The following THOP1 variants were observed in gnomAD, a reference collection of about 807,000 sequenced individuals.
THOP1 encodes thimet oligopeptidase.
In THOP1, 49 loss-of-function variants were observed where a neutral mutation model predicts 71.8. The observed-to-expected ratio is 0.68, with a 90% CI of 0.54 to 0.87. THOP1 has a LOEUF of 0.87. THOP1 is among the 40% of genes least tolerant of loss of function. The probability of loss-of-function intolerance (pLI) is 0.00; values close to 1 mark genes in which losing one functional copy is unlikely to be tolerated. For synonymous variants in THOP1, 426 were observed against 421.5 expected (o/e 1.01, Z -0.13); for missense variants, 843 against 975.6 (o/e 0.86, Z 1.81).
At position 2,810,429 on chromosome 19, in the gene THOP1, A is replaced by C; in HGVS notation, c.1581A>C (p.Thr527=). ...PLLRMSRHYR[T]GSAVPRELLE... Reference sequence around the variant, plus strand: ...TGCGGATGTCGCGGCACTACCGCACAGGCAGCGCCGTGCCCCGGGAGCTCC... The same window carrying C: ...TGCGGATGTCGCGGCACTACCGCACCGGCAGCGCCGTGCCCCGGGAGCTCC... Residue 527 remains threonine (T), a synonymous_variant, in exon 10 of 13, where the codon ACA becomes ACC. Transcript: ENST00000307741. 1 of 1,601,922 alleles carries C rather than the reference A, an allele frequency of 6.2e-7. No individual in the cohort carries two copies. Among genetic ancestry groups the C allele is most frequent in the Non-Finnish European group, 8.5e-7 (1 of 1,176,520 alleles).
chr19:2,810,675 G>C lies in THOP1; in HGVS notation c.1678G>C (p.Val560Leu), dbSNP rs1346273333. 1.3e-6 allele frequency: 2 copies of C among 1,565,000 alleles called. No individual in the cohort carries two copies. The highest frequency in any genetic ancestry group is 1.7e-6 in the Non-Finnish European group (2 of 1,154,496). ...CCTGCGCCAGATCGTCCTCGCCAAGGTGGACCAGGCCCTGCACACGCAGAC... is the reference window on the plus strand; with the variant it reads ...CCTGCGCCAGATCGTCCTCGCCAAGCTGGACCAGGCCCTGCACACGCAGAC... ...FNLRQIVLAK[V>L]DQALHTQTDA... Residue 560 changes from valine to leucine, a missense_variant, in exon 11 of 13, where the codon GTG (valine) becomes CTG (leucine). By Grantham distance (32) the Val-to-Leu change is conservative. Transcript: ENST00000307741.
In THOP1 at chr19:2,814,469, C is replaced by T. The variant is rs757658891; in HGVS notation, c.*1193C>T. On this transcript the variant is annotated 3_prime_UTR_variant, in exon 13 of 13. Transcript: ENST00000307741. ...GGCCTATGGGTGGCCAGACATCCGC[C>T]TCGTCCTCACCTCCATTTGGACAGG... is the stretch of plus-strand genomic sequence containing the variant. The T allele has an allele frequency of 2.0e-5, 3 of 152,418 alleles. No individual in the cohort carries two copies. Among genetic ancestry groups the T allele is most frequent in the Non-Finnish European group, 4.4e-5 (3 of 68,168 alleles). 9.4% of individuals were successfully genotyped at this position (152,418 alleles called of 1,614,324 possible).
chr19:2,794,748 G>T lies in THOP1; in HGVS notation c.230-16G>T, dbSNP rs371591526. On this transcript the variant is annotated splice_polypyrimidine_tract_variant and intron_variant, in intron 2 of 12. Transcript: ENST00000307741. ...GCCTGTTCTCACACCTGTCTCCCTGGTCTCCCCTGTTTTAGTTCAGAGGAA... is the reference window on the plus strand; with the variant it reads ...GCCTGTTCTCACACCTGTCTCCCTGTTCTCCCCTGTTTTAGTTCAGAGGAA... The T allele has an allele frequency of 1.2e-6, 2 of 1,602,144 alleles. No homozygotes were observed. The highest frequency in any genetic ancestry group is 2.7e-5 in the African/African-American group (2 of 74,664).
chr19:2,806,736 G>GA lies in THOP1; in HGVS notation c.751-181_751-180insA, dbSNP rs1916300884. 3 of 1,065,434 alleles carry GA rather than the reference G, an allele frequency of 2.8e-6. No homozygotes were observed. In the African/African-American group the frequency reaches 4.8e-5, roughly 17 times the overall value. The allele number at this position is 1,065,434 out of a possible 1,614,324, so 66.0% of individuals were successfully genotyped here. ...CCCTTCTGGTTCCAAAAAGGCCTTGGGATTATGATAACGCTGGTGGCATGA... is the reference window on the plus strand; with the variant it reads ...CCCTTCTGGTTCCAAAAAGGCCTTGGAGATTATGATAACGCTGGTGGCATGA... On this transcript the variant is annotated intron_variant, in intron 6 of 12. Coordinates refer to ENST00000307741, the MANE Select transcript of THOP1 (RefSeq NM_003249.5).
At position 2,796,292 on chromosome 19, in the gene THOP1, C is replaced by T. The variant is rs1004756760; in HGVS notation, c.486+104C>T. On this transcript the variant is annotated intron_variant, in intron 4 of 12. Transcript: ENST00000307741. ...CCCAGGGAGTGGTGGGAGCAAGAAG[C>T]GCAGGGCAGGGGGAGTGCTGGGCTC... The T allele has an allele frequency of 2.3e-5, 21 of 901,870 alleles. 1 individual carries two copies. The highest frequency in any genetic ancestry group is 1.7e-4 in the South Asian group (11 of 64,216). The allele number at this position is 901,870 out of a possible 1,614,324, so 55.9% of individuals were successfully genotyped here.
In THOP1 at chr19:2,805,829, GCGGGTGCC is replaced by G; in HGVS notation, c.750+655_750+662del. On this transcript the variant is annotated intron_variant, in intron 6 of 12. Coordinates refer to ENST00000307741, the MANE Select transcript of THOP1 (RefSeq NM_003249.5). The surrounding 1 kb of genome is among the most constrained non-coding windows in gnomAD (Gnocchi z 6.6). ...GGCACTGATCACTGCAAGGGGACGG[GCGGGTGCC>G]CATCACTGCGGGGGGACGGGCGGGT... Among the ~76,000 whole-genome samples the G allele has an allele frequency of 6.6e-6, 1 of 150,824 alleles. No homozygotes were observed.
chr19:2,793,824 C>A (rs1915944043), intron 2 of THOP1, among the ~76,000 whole-genome samples: 1 of 152,158 alleles, frequency 6.6e-6, no homozygotes, highest in South Asian at 2.1e-4. Flanking sequence ...GAGTCGTGTT[C>A]CACTGGGCAG....
At chr19:2,793,417 T>A (rs1599520734) in intron 2 of THOP1, among the ~76,000 whole-genome samples, 1 of 151,732 alleles carries the variant, frequency 6.6e-6, no homozygotes, top group South Asian at 2.1e-4. Flanking sequence ...CATGGCCGGG[T>A]GCAGTGGCTC....
chr19:2,813,019 C>T, intron 12 of THOP1, 96 bp from the exon 13 acceptor site: 1 of 1,435,352 alleles, frequency 7.0e-7, no homozygotes, highest in Non-Finnish European at 9.3e-7. Flanking sequence ...AGGGGTTGCT[C>T]CGAGGCCCCC....
intron 3 of THOP1, among the ~76,000 whole-genome samples, chr19:2,795,526 C>T (rs749793035): frequency 6.6e-6 from 1 of 152,220 alleles, no homozygotes; most frequent in Non-Finnish European, 1.5e-5. Flanking sequence ...GATCATGCAG[C>T]CCTAGTGCTT....
intron 9 of THOP1, among the ~76,000 whole-genome samples, chr19:2,809,319 C>G (rs1161305648): frequency 6.6e-6 from 1 of 152,194 alleles, no homozygotes; most frequent in Non-Finnish European, 1.5e-5. Flanking sequence ...TCATGGCCTC[C>G]TGGTGCTGAA....
At position 2,807,771 on chromosome 19, in the gene THOP1, G is replaced by A. The variant is rs780308178; in HGVS notation, c.1216G>A (p.Glu406Lys). Residue 406 changes from glutamate to lysine, a missense_variant, in exon 8 of 13, where the codon GAG (glutamate) becomes AAG (lysine). Glu to Lys is a moderately conservative substitution (Grantham distance 56). Transcript: ENST00000307741. ...CACCGCGAGGGACGCGGCCTCGGGG[G>A]AGGTGGTCGGCAAGTTCTACCTGGA... ...LYTARDAASG[E>K]VVGKFYLDLY... 6 of 1,535,984 alleles carry A rather than the reference G, an allele frequency of 3.9e-6. No individual in the cohort carries two copies. Among genetic ancestry groups the A allele is most frequent in the Non-Finnish European group, 5.3e-6 (6 of 1,138,490 alleles).
At chr19:2,807,126 G>A in intron 7 of THOP1, 74 bp downstream of exon 7, 2 of 1,490,400 alleles carry the variant, frequency 1.3e-6, no homozygotes, top group Non-Finnish European at 1.8e-6. Flanking sequence ...GACAGTCGGT[G>A]CTACCCCTAG....
Position 2,813,343 on chromosome 19 carries a change from C to T in THOP1, c.*67C>T. 6.8e-7 allele frequency: 1 copy of T among 1,477,862 alleles called. No individual in the cohort carries two copies. Among genetic ancestry groups the T allele is most frequent in the Non-Finnish European group, 9.0e-7 (1 of 1,108,788 alleles). 91.5% of individuals were successfully genotyped at this position (1,477,862 alleles called of 1,614,324 possible). ...CGCCCTGGTGCCTTAGCCCCCGGCA[C>T]AGGATGGGGCAGGCTCTGGCACAGT... On this transcript the variant is annotated 3_prime_UTR_variant, in exon 13 of 13. Coordinates refer to ENST00000307741, the MANE Select transcript of THOP1 (RefSeq NM_003249.5).
chr19:2,800,294 T>A (rs983374230), intron 5 of THOP1, among the ~76,000 whole-genome samples: 8 of 152,232 alleles, frequency 5.3e-5, no homozygotes, highest in Non-Finnish European at 1.0e-4. Context: ...CAAGTGATTC[T>A]CCTGTCTCAG....
chr19:2,812,170 T>A (rs1916494437), intron 12 of THOP1: 2 of 1,482,982 alleles, frequency 1.3e-6, no homozygotes, highest in East Asian at 5.1e-5. Flanking sequence ...GCTTGGCGTT[T>A]GCCATTCATT....
intron 1 of THOP1, 108 bp from the exon 2 acceptor site, chr19:2,790,313 T>C: frequency 9.1e-7 from 1 of 1,102,060 alleles, no homozygotes; most frequent in Non-Finnish European, 1.3e-6. Flanking sequence ...GACCTCACTC[T>C]TCTGGATGAG....
intron 1 of THOP1, among the ~76,000 whole-genome samples, chr19:2,788,233 T>C (rs973363047): frequency 6.6e-6 from 1 of 152,238 alleles, no homozygotes; most frequent in African/African-American, 2.4e-5. Flanking sequence ...TGAGAGTTAA[T>C]GTTTCTTGCC....
chr19:2,796,448 G>T (rs1916016238), intron 4 of THOP1, among the ~76,000 whole-genome samples: 1 of 149,710 alleles, frequency 6.7e-6, no homozygotes, highest in African/African-American at 2.5e-5. Flanking sequence ...AGTGCTGGGT[G>T]TGAGGAGTGC....
Sources: gnomAD v4.1 joint callset for allele counts (sites outside exome capture counted in the v4.1 genomes callset) on GRCh38, gnomAD v4.1.1 for gene constraint, Gnocchi (gnomAD v3.1) non-coding constraint, MANE v1.5 for transcripts, NCBI Gene and HGNC (gene_info 2026-07-23, HGNC 2026-07-21) for gene names.